COL6A5: variants seen among roughly 807,000 people sequenced by gnomAD.
COL6A5 encodes the protein collagen type VI alpha 5 chain.
COL6A5 carries 48 observed loss-of-function variants against 65.6 expected under a neutral mutation model. The observed-to-expected ratio is 0.73, with a 90% confidence interval of 0.58 to 0.93. COL6A5 has a LOEUF of 0.93. COL6A5 is among the 40% of genes least tolerant of loss of function. The pLI is 0.00. For synonymous variants in COL6A5, 291 were observed against 322.8 expected, an observed-to-expected ratio of 0.90 and a Z score of 1.05; for missense variants, 914 against 928.3, an observed-to-expected ratio of 0.98 and a Z score of 0.20.
Position 130,368,250 on chromosome 3 carries a change from T to C in COL6A5, c.-28-5361T>C, listed in dbSNP as rs77163476. On this transcript the variant is annotated intron_variant and NMD_transcript_variant, in intron 1 of 41. Coordinates refer to the COL6A5 transcript ENST00000312481. ...ATCAGTGGAGTTTGCTTCCCATGCA[T>C]AGATCCTTACTTTATCAGTCGCAGG... is the stretch of plus-strand genomic sequence containing the variant. Among the ~76,000 whole-genome samples the C allele has an allele frequency of 4.9e-3, 753 of 152,332 alleles. 19 individuals carry two copies. The East Asian group carries it at 0.067, about 14-fold the overall frequency.
intron 4 of COL6A5, 44 bp downstream of exon 4, chr3:130,380,094 G>A (rs1247145463): frequency 1.7e-5 from 23 of 1,352,050 alleles, no homozygotes; most frequent in African/African-American, 4.4e-5. Context: ...ATTAATATAA[G>A]TGGTTACCTA....
chr3:130,460,202 G>C (rs967273898), intron 5 of COL6A5, among the ~76,000 whole-genome samples: 2 of 152,082 alleles, frequency 1.3e-5, no homozygotes, highest in African/African-American at 4.8e-5. Context: ...GAAATCAGCA[G>C]CAGAATTGTA....
At chr3:130,385,255 A>G (rs1936144874) in exon 5 of COL6A5, 3 of 1,550,960 alleles carry the variant, frequency 1.9e-6, no homozygotes, top group South Asian at 2.4e-5. Flanking sequence ...CTAATAAAAT[A>G]GAACTGCAAG....
chr3:130,371,734 A>T (rs1246129769), intron 1 of COL6A5, among the ~76,000 whole-genome samples: 2 of 152,212 alleles, frequency 1.3e-5, no homozygotes, highest in East Asian at 3.8e-4. Context: ...AGAAGAAAAC[A>T]TACAAGTAAC....
intron 1 of COL6A5, among the ~76,000 whole-genome samples, chr3:130,438,455 A>G (rs1441131162): frequency 6.6e-6 from 1 of 152,124 alleles, no homozygotes; most frequent in Non-Finnish European, 1.5e-5. Context: ...TCCTATGAAT[A>G]AACTTCCTTG....
At chr3:130,368,937 T>C (rs1935449422) in intron 1 of COL6A5, among the ~76,000 whole-genome samples, 1 of 152,200 alleles carries the variant, frequency 6.6e-6, no homozygotes, top group Non-Finnish European at 1.5e-5. Flanking sequence ...AGCTCAGCCA[T>C]GGACTGGTTC....
intron 4 of COL6A5, among the ~76,000 whole-genome samples, chr3:130,445,168 C>A (rs574066629): frequency 6.6e-6 from 1 of 152,336 alleles, no homozygotes; most frequent in East Asian, 1.9e-4. Flanking sequence ...GTGGCCATTG[C>A]AGTGACTGTA....
chr3:130,419,859 T>C (rs1245162378), intron 25 of COL6A5, among the ~76,000 whole-genome samples: 1 of 152,012 alleles, frequency 6.6e-6, no homozygotes, highest in Non-Finnish European at 1.5e-5. Context: ...CTACAGTTAA[T>C]AACAATATAT....
chr3:130,380,647 G>T (rs1419414870), intron 4 of COL6A5, among the ~76,000 whole-genome samples: 1 of 152,130 alleles, frequency 6.6e-6, no homozygotes, highest in East Asian at 1.9e-4. Context: ...TTGAAATGTG[G>T]CTAGTGTGAT....
chr3:130,379,509 T>C (rs1935912202), exon 4 of COL6A5: 3 of 1,551,398 alleles, frequency 1.9e-6, no homozygotes, highest in Non-Finnish European at 2.6e-6. Context: ...ATTTAAGGCA[T>C]CTTCAGACCT....
At chr3:130,428,760 C>A (rs1937668933), upstream of COL6A5, among the ~76,000 whole-genome samples, 1 of 152,128 alleles carries the variant, frequency 6.6e-6, no homozygotes, top group Non-Finnish European at 1.5e-5. Context: ...CAGTTAGCAT[C>A]CCAGGGGCCA....
chr3:130,409,536 G>C lies in COL6A5; in HGVS notation c.4542+148G>C, dbSNP rs1003184707. ...GGTGTTGGCTGAGGCTTTGGGAAAA[G>C]TCTGTTTGTGTCTTATCTGGGTTAG... On this transcript the variant is annotated intron_variant and NMD_transcript_variant, in intron 18 of 41. Transcript: ENST00000312481. The C allele has an allele frequency of 9.8e-6, 6 of 609,418 alleles. No individual in the cohort carries two copies. The Admixed American group carries it at 1.0e-4, about 11-fold the overall frequency. 37.8% of individuals were successfully genotyped at this position (609,418 alleles called of 1,614,324 possible).
chr3:130,446,800 G>A (rs1331022331), intron 4 of COL6A5, among the ~76,000 whole-genome samples: 1 of 151,874 alleles, frequency 6.6e-6, no homozygotes, highest in Non-Finnish European at 1.5e-5. Flanking sequence ...AGGTTCCCAG[G>A]TATTGGTTTG....
chr3:130,403,565 TGG>T (rs5852595), intron 12 of COL6A5, 42 bp from the exon 13 acceptor site: 240 of 1,442,640 alleles, frequency 1.7e-4, no homozygotes, highest in Non-Finnish European at 1.9e-4. Context: ...TTGACTTTAT[TGG>T]GGGGGGGTGA....
intron 7 of COL6A5, among the ~76,000 whole-genome samples, chr3:130,476,723 A>C (rs1710109430): frequency 6.6e-6 from 1 of 152,074 alleles, no homozygotes; most frequent in East Asian, 1.9e-4. Context: ...TGCTGAAAAT[A>C]ATAAGGTTGG....
At chr3:130,348,587 G>A (rs763495875) in intron 1 of COL6A5, among the ~76,000 whole-genome samples, 1 of 152,150 alleles carries the variant, frequency 6.6e-6, no homozygotes, top group Non-Finnish European at 1.5e-5. Context: ...ATAAACATGT[G>A]TGCATGTATC....
At chr3:130,376,968 T>G in intron 3 of COL6A5, 132 bp downstream of exon 3, 1 of 993,322 alleles carries the variant, frequency 1.0e-6, no homozygotes, top group Non-Finnish European at 1.4e-6. Context: ...CTACACATCA[T>G]ACCTACTCGC....
intron 12 of COL6A5, among the ~76,000 whole-genome samples, chr3:130,403,060 G>A (rs1012274976): frequency 2.0e-5 from 3 of 152,296 alleles, no homozygotes; most frequent in African/African-American, 2.4e-5. Context: ...ATACTGATCA[G>A]CCAGCTGGGC....
At chr3:130,348,013 A>G (rs1372744711) in intron 1 of COL6A5, among the ~76,000 whole-genome samples, 1 of 152,050 alleles carries the variant, frequency 6.6e-6, no homozygotes, top group Non-Finnish European at 1.5e-5. Context: ...GTGCTTTATG[A>G]TACTTCCCTA....
Sources: gnomAD v4.1 joint callset for allele counts (sites outside exome capture counted in the v4.1 genomes callset) on GRCh38, gnomAD v4.1.1 for gene constraint, MANE v1.5 for transcripts, NCBI Gene and HGNC (gene_info 2026-07-23, HGNC 2026-07-21) for gene names.